CCDC141: variants seen among roughly 807,000 people sequenced by gnomAD.
The protein encoded by CCDC141 is coiled-coil domain containing 141.
Under a neutral mutation model 181.0 loss-of-function variants are expected in CCDC141, and 168 were observed. That is an observed-to-expected ratio of 0.93 (90% confidence interval 0.82 to 1.05). The LOEUF (loss-of-function observed/expected upper bound fraction) is 1.05. Among genes scored for constraint, CCDC141 ranks in the 50% least tolerant of loss-of-function variants. The probability of loss-of-function intolerance (pLI) is 0.00; values close to 1 mark genes in which losing one functional copy is unlikely to be tolerated. For missense variants in CCDC141, 1,902 were observed against 1,788.5 expected, an observed-to-expected ratio of 1.06 and a Z score of -1.14; for synonymous variants, 666 against 642.3, an observed-to-expected ratio of 1.04 and a Z score of -0.56.
chr2:179,036,149 G>A (rs1265813292), intron 2 of CCDC141, among the ~76,000 whole-genome samples: 1 of 152,166 alleles, frequency 6.6e-6, no homozygotes, highest in Non-Finnish European at 1.5e-5. Flanking sequence ...GCCAGGACAG[G>A]GCCGAGGTCA....
chr2:178,909,211 C>T (rs188472042), intron 7 of CCDC141, among the ~76,000 whole-genome samples: 8 of 151,832 alleles, frequency 5.3e-5, no homozygotes, highest in Admixed American at 6.6e-5. Context: ...TAAGCATTCA[C>T]TAGAAGGAGG....
At chr2:178,937,356 T>A (rs968320050) in intron 6 of CCDC141, among the ~76,000 whole-genome samples, 3 of 151,694 alleles carry the variant, frequency 2.0e-5, no homozygotes, top group African/African-American at 7.2e-5. Context: ...AATCATGTAG[T>A]TTTTGTCTTT....
Position 178,831,116 on chromosome 2 carries a change from A to C in CCDC141, c.*3057T>G, listed in dbSNP as rs868652519. The stretch of plus-strand genomic sequence containing the variant: ...ACCATTATTGATTAATATAGCTAAA[A>C]AATTTTCTGCATCTTGTTCAAATAT... On this transcript the variant is annotated 3_prime_UTR_variant, in exon 24 of 24. Coordinates refer to ENST00000443758, the MANE Select transcript of CCDC141 (RefSeq NM_173648.4). 2 of 152,158 alleles carry C rather than the reference A, an allele frequency of 1.3e-5. No homozygotes were observed. The highest frequency in any genetic ancestry group is 4.1e-4 in the South Asian group (2 of 4,826). 9.4% of individuals were successfully genotyped at this position (152,158 alleles called of 1,614,324 possible).
chr2:178,913,774 A>G lies in CCDC141; in HGVS notation c.1092+4939T>C, dbSNP rs186738250. Among the ~76,000 whole-genome samples, 224 of 152,274 alleles carry G rather than the reference A, an allele frequency of 1.5e-3. 2 individuals carry two copies. Among genetic ancestry groups the G allele is most frequent in the African/African-American group, 4.8e-3 (201 of 41,558 alleles). On this transcript the variant is annotated intron_variant, in intron 7 of 23. Coordinates refer to ENST00000443758, the MANE Select transcript of CCDC141 (RefSeq NM_173648.4). ...CAACTTTTGCTTCATCTTTGCTTTC[A>G]GGCTGACCACCCAAAAATCAGACCA...
At chr2:178,820,056 T>A in the CCDC141 span, among the ~76,000 whole-genome samples, 4 of 152,208 alleles carry the variant, frequency 2.6e-5, no homozygotes, top group Non-Finnish European at 4.4e-5. Flanking sequence ...CTCCTGCTTA[T>A]CTGATACATA....
chr2:178,940,717 A>G (rs1340146311), intron 6 of CCDC141, among the ~76,000 whole-genome samples: 2 of 152,226 alleles, frequency 1.3e-5, no homozygotes, highest in Non-Finnish European at 2.9e-5. Flanking sequence ...CTTACTACAC[A>G]GACATTAATC....
At chr2:178,911,363 A>C (rs1037051410) in intron 7 of CCDC141, among the ~76,000 whole-genome samples, 2 of 152,224 alleles carry the variant, frequency 1.3e-5, no homozygotes, top group Non-Finnish European at 2.9e-5. Flanking sequence ...ACAGGTTAAA[A>C]AAGCCAATGC....
intron 4 of CCDC141, among the ~76,000 whole-genome samples, chr2:178,962,035 G>C (rs184238713): frequency 6.6e-6 from 1 of 152,272 alleles, no homozygotes; most frequent in East Asian, 1.9e-4. Context: ...ATTATTAAAA[G>C]AGTTTCAAAT....
chr2:178,962,182 T>C (rs1379061518), intron 4 of CCDC141, among the ~76,000 whole-genome samples: 1 of 152,210 alleles, frequency 6.6e-6, no homozygotes, highest in Non-Finnish European at 1.5e-5. Flanking sequence ...AATAGCATTG[T>C]AAGTTTAGGT....
chr2:178,989,448 G>C (rs900583174), intron 2 of CCDC141, among the ~76,000 whole-genome samples: 7 of 151,562 alleles, frequency 4.6e-5, no homozygotes, highest in Admixed American at 1.3e-4. Context: ...TCAAAAATTA[G>C]CCAGGTGTGG....
intron 4 of CCDC141, among the ~76,000 whole-genome samples, chr2:178,970,853 G>A (rs1045947864): frequency 6.6e-6 from 1 of 152,168 alleles, no homozygotes; most frequent in Non-Finnish European, 1.5e-5. Context: ...GGGAGAAAAT[G>A]TTTGCAATCT....
At chr2:178,931,079 A>G (rs897945608) in intron 6 of CCDC141, among the ~76,000 whole-genome samples, 5 of 152,216 alleles carry the variant, frequency 3.3e-5, no homozygotes, top group Admixed American at 2.6e-4. Context: ...CTGCAACATC[A>G]TTAGTTATTA....
intron 6 of CCDC141, among the ~76,000 whole-genome samples, chr2:178,934,381 A>T (rs550825191): frequency 6.6e-6 from 1 of 152,356 alleles, no homozygotes; most frequent in South Asian, 2.1e-4. Flanking sequence ...TCAAAGGTTG[A>T]ATTCAAGCTT....
At chr2:178,980,322 C>G (rs141263095) in intron 2 of CCDC141, among the ~76,000 whole-genome samples, 2 of 151,924 alleles carry the variant, frequency 1.3e-5, no homozygotes, top group Non-Finnish European at 2.9e-5. Flanking sequence ...TGGTGGTGGG[C>G]GCCTGTAGTC....
chr2:178,912,884 C>T lies in CCDC141; in HGVS notation c.1092+5829G>A, dbSNP rs768804016. ...GACTTTGTACCATCCAGCCCTTCCT[C>T]GGCCCTTCTTGCCCCATCCTTTCAA... On this transcript the variant is annotated intron_variant, in intron 7 of 23. Transcript: ENST00000443758. Among the ~76,000 whole-genome samples, 10 of 152,292 alleles carry T rather than the reference C, an allele frequency of 6.6e-5. No individual in the cohort carries two copies. In the East Asian group the frequency reaches 1.2e-3, roughly 18 times the overall value.
Position 178,984,632 on chromosome 2 carries a change from A to C in CCDC141, c.226-5957T>G, listed in dbSNP as rs1375500681. ...AAGGATGGAGGAAGATCTACCAAGC[A>C]AATGGAAAACAAAAAAAGGCAGAGG... On this transcript the variant is annotated intron_variant, in intron 2 of 23. Coordinates refer to ENST00000443758, the MANE Select transcript of CCDC141 (RefSeq NM_173648.4). 2.0e-3 allele frequency among the ~76,000 whole-genome samples: 296 copies of C among 150,252 alleles called. 1 individual carries two copies. The highest frequency in any genetic ancestry group is 3.6e-3 in the Non-Finnish European group (241 of 67,248).
intron 17 of CCDC141, among the ~76,000 whole-genome samples, chr2:178,862,366 T>C (rs1406215610): frequency 6.6e-6 from 1 of 152,216 alleles, no homozygotes; most frequent in Non-Finnish European, 1.5e-5. Context: ...ATCTGTAATA[T>C]GAGCCTCGAG....
intron 2 of CCDC141, among the ~76,000 whole-genome samples, chr2:179,045,944 A>T (rs374143768): frequency 1.3e-5 from 2 of 152,282 alleles, no homozygotes; most frequent in South Asian, 4.1e-4. Flanking sequence ...GCCTTCTAAC[A>T]GCCTTCTTCT....
In CCDC141 at chr2:178,975,073, A is replaced by C; in HGVS notation, c.510T>G (p.His170Gln). Residue 170 changes from histidine to glutamine, a missense_variant, in exon 4 of 24, where the codon CAT (histidine) becomes CAG (glutamine). His to Gln is a conservative substitution (Grantham distance 24). Coordinates refer to ENST00000443758, the MANE Select transcript of CCDC141 (RefSeq NM_173648.4). ...ATTTCTTGCCTTTAGTATGATGTTC[A>C]TGAAGCTGAAGAAGTGATTTTAAGG... Reference protein sequence around the residue: ...AESLKSLLQLHEHHTKELLER... With the variant: ...AESLKSLLQLQEHHTKELLER... 2.0e-6 allele frequency: 3 copies of C among 1,506,916 alleles called. No homozygotes were observed. Among genetic ancestry groups the C allele is most frequent in the Non-Finnish European group, 2.7e-6 (3 of 1,113,030 alleles). The allele number at this position is 1,506,916 out of a possible 1,614,324, so 93.3% of individuals were successfully genotyped here. A position where few individuals can be genotyped will look rare whatever the true frequency, so the allele number is the denominator to read the frequency against.
Sources: allele counts gnomAD v4.1 joint callset (sites outside exome capture counted in the v4.1 genomes callset), GRCh38; gene constraint gnomAD v4.1.1; transcripts MANE v1.5; gene names NCBI Gene and HGNC (gene_info 2026-07-23, HGNC 2026-07-21).